Variants in LARP1B observed in about 807,000 individuals in gnomAD.
LARP1B encodes La ribonucleoprotein 1B, also known as la-related protein 1B.
LARP1B carries 76 observed loss-of-function variants against 114.2 expected under a neutral mutation model. The ratio of observed to expected loss-of-function variants is 0.67; its 90% CI spans 0.55 to 0.81. LARP1B has a LOEUF of 0.81. Among genes scored for constraint, LARP1B ranks in the 30% least tolerant of loss-of-function variants. The pLI is 0.00. For synonymous variants in LARP1B, 345 were observed against 348.0 expected (o/e 0.99, Z 0.10); for missense variants, 1,014 against 1,075.8 (o/e 0.94, Z 0.80).
chr4:128,140,339 A>G (rs1408409956), intron 11 of LARP1B, among the ~76,000 whole-genome samples: 1 of 152,212 alleles, frequency 6.6e-6, no homozygotes, highest in Non-Finnish European at 1.5e-5. Context: ...AAGTAGCTAT[A>G]TAGTAGAGAA....
In LARP1B at chr4:128,207,513, A is replaced by C. The variant is rs1578777201; in HGVS notation, c.2547+130A>C. 7.3e-6 allele frequency: 4 copies of C among 544,472 alleles called. No individual in the cohort carries two copies. The East Asian group carries it at 1.5e-4, about 20-fold the overall frequency. The allele number at this position is 544,472 out of a possible 1,614,324, so 33.7% of individuals were successfully genotyped here. Reference sequence around the variant, plus strand: ...TTTAGTTTTAAAATTAAACTTTGAAATAGATATAAAAATAGTTCAGAGAAT... The same window carrying C: ...TTTAGTTTTAAAATTAAACTTTGAACTAGATATAAAAATAGTTCAGAGAAT... On this transcript the variant is annotated intron_variant, in intron 19 of 19. Transcript: ENST00000326639.
intron 11 of LARP1B, among the ~76,000 whole-genome samples, chr4:128,135,276 T>A (rs1793001444): frequency 6.6e-6 from 1 of 152,146 alleles, no homozygotes; most frequent in Admixed American, 6.6e-5. Flanking sequence ...CAGAAAATAG[T>A]TGTTAACAAG....
chr4:128,107,261 A>G lies in LARP1B; in HGVS notation c.936A>G (p.Gln312=), dbSNP rs376285049. Residue 312 remains glutamine (Q), a synonymous_variant, in exon 9 of 20, where the codon CAA becomes CAG. Coordinates refer to ENST00000326639, the MANE Select transcript of LARP1B (RefSeq NM_018078.4). ...PRSVPPTDFS[Q]LIDCPEFVPG... ...GTGTGCCACCAACAGACTTCTCTCA[A>G]CTGATTGATTGTCCAGAGTTTGTAC... The G allele has an allele frequency of 4.3e-6, 7 of 1,614,068 alleles. No homozygotes were observed. In the Admixed American group the frequency reaches 1.0e-4, roughly 23 times the overall value.
chr4:128,122,079 C>G lies in LARP1B; in HGVS notation c.1415C>G (p.Ser472Cys). 6.2e-7 allele frequency: 1 copy of G among 1,614,074 alleles called. No homozygotes were observed. Among genetic ancestry groups the G allele is most frequent in the Non-Finnish European group, 8.5e-7 (1 of 1,180,012 alleles). The change falls in exon 11 of 20, where the codon TCT (serine) becomes TGT (cysteine). Residue 472 changes from serine to cysteine, a missense_variant. Coordinates refer to ENST00000326639, the MANE Select transcript of LARP1B (RefSeq NM_018078.4). Reference protein sequence around the residue: ...PGGDRTGTHMSRAKITSELAK... With the variant: ...PGGDRTGTHMCRAKITSELAK... ...GGAGATCGAACAGGCACCCACATGT[C>G]TCGGGCAAAAATCACATCTGAACTT...
At chr4:128,074,667 C>A (rs1767096215) in intron 2 of LARP1B, 149 bp downstream of exon 2, 1 of 322,698 alleles carries the variant, frequency 3.1e-6, no homozygotes, top group South Asian at 8.0e-5. Context: ...TAACCTTTAT[C>A]CAAATCTCTA....
chr4:128,214,183 A>T (rs1759344737), downstream of LARP1B, among the ~76,000 whole-genome samples: 1 of 135,282 alleles, frequency 7.4e-6, no homozygotes, highest in African/African-American at 2.7e-5. Context: ...TTGCTAGCAC[A>T]GCAGTCTGAG....
At chr4:128,156,854 G>T (rs1401372310) in intron 11 of LARP1B, among the ~76,000 whole-genome samples, 1 of 119,998 alleles carries the variant, frequency 8.3e-6, no homozygotes, top group African/African-American at 3.1e-5. Context: ...GGAATAAAAG[G>T]CTTGAAGCTA....
intron 12 of LARP1B, among the ~76,000 whole-genome samples, chr4:128,173,258 A>G (rs1053539179): frequency 6.6e-5 from 10 of 152,122 alleles, no homozygotes; most frequent in Admixed American, 5.9e-4. Context: ...TCATTTACAT[A>G]TGGCCTCTCG....
intron 15 of LARP1B, among the ~76,000 whole-genome samples, chr4:128,189,943 A>G (rs1362622701): frequency 6.6e-6 from 1 of 152,226 alleles, no homozygotes; most frequent in African/African-American, 2.4e-5. Flanking sequence ...TAGTCTTCAT[A>G]TTAGAGATAT....
rs535022197 is a variant in LARP1B, at chr4:128,121,292, TTCTATCTATCTGTCTA to T, written c.1162-522_1162-507del. Among the ~76,000 whole-genome samples, 10 of 152,340 alleles carry T rather than the reference TTCTATCTATCTGTCTA, an allele frequency of 6.6e-5. No individual in the cohort carries two copies. The East Asian group carries it at 1.5e-3, about 24-fold the overall frequency. ...GACTCTGAAAATCAGAAGACCTTGA[TTCTATCTATCTGTCTA>T]TCTATCTATCTATCTATTTATTTTT... On this transcript the variant is annotated intron_variant, in intron 10 of 19. Coordinates refer to ENST00000326639, the MANE Select transcript of LARP1B (RefSeq NM_018078.4).
intron 11 of LARP1B, chr4:128,123,227 C>T: frequency 2.0e-6 from 2 of 985,438 alleles, no homozygotes; most frequent in South Asian, 4.7e-5. Flanking sequence ...GGACCTGCCT[C>T]AGGCTATGAT....
At chr4:128,176,172 A>C (rs1017924485) in intron 12 of LARP1B, among the ~76,000 whole-genome samples, 9 of 99,432 alleles carry the variant, frequency 9.1e-5, no homozygotes, top group African/African-American at 2.5e-4. Flanking sequence ...TATATATATT[A>C]TATATAAATA....
At chr4:128,222,453 G>T (rs891262649) in exon 8 of LARP1B, 9 of 440,796 alleles carry the variant, frequency 2.0e-5, no homozygotes, top group African/African-American at 1.8e-4. Context: ...TGACACTCCA[G>T]TCGCCGCCCC....
chr4:128,119,830 A>T (rs1191067986), intron 10 of LARP1B, among the ~76,000 whole-genome samples: 1 of 152,124 alleles, frequency 6.6e-6, no homozygotes, highest in Non-Finnish European at 1.5e-5. Flanking sequence ...ATGTGGATTT[A>T]TTGTTTTTAT....
chr4:128,217,803 G>A (rs1759635406), intron 6 of LARP1B, among the ~76,000 whole-genome samples: 1 of 142,336 alleles, frequency 7.0e-6, no homozygotes, highest in Admixed American at 7.2e-5. Context: ...GGGCAATCAG[G>A]CAGGAGAAGG....
intron 18 of LARP1B, 99 bp from the exon 19 acceptor site, chr4:128,207,157 T>C: frequency 1.9e-6 from 1 of 520,762 alleles, no homozygotes; most frequent in Non-Finnish European, 3.1e-6. Flanking sequence ...TAAGCATATA[T>C]TGGAAGATAA....
intron 3 of LARP1B, among the ~76,000 whole-genome samples, chr4:128,075,883 G>T (rs1026183665): frequency 6.6e-6 from 1 of 151,932 alleles, no homozygotes; most frequent in African/African-American, 2.4e-5. Flanking sequence ...ATTATAAATT[G>T]TAATCAAATT....
intron 15 of LARP1B, among the ~76,000 whole-genome samples, chr4:128,195,256 T>A (rs1188232026): frequency 3.9e-5 from 6 of 152,256 alleles, no homozygotes; most frequent in Non-Finnish European, 7.3e-5. Flanking sequence ...AGAGCTTCGA[T>A]GTTATCTGCA....
intron 5 of LARP1B, among the ~76,000 whole-genome samples, chr4:128,090,177 AT>A (rs1775381196): frequency 6.7e-6 from 1 of 150,256 alleles, no homozygotes; most frequent in African/African-American, 2.5e-5. Flanking sequence ...AGTTCAAGTG[AT>A]TCTCCTCCTT....
Sources: gnomAD v4.1 joint callset for allele counts (sites outside exome capture counted in the v4.1 genomes callset) on GRCh38, gnomAD v4.1.1 for gene constraint, MANE v1.5 for transcripts, NCBI Gene and HGNC (gene_info 2026-07-23, HGNC 2026-07-21) for gene names.